The following ANKRD36C variants were observed in gnomAD, a reference collection of about 807,000 sequenced individuals.
ANKRD36C encodes the protein ankyrin repeat domain 36C.
Under a neutral mutation model 276.4 loss-of-function variants are expected in ANKRD36C, and 61 were observed. The observed-to-expected ratio is 0.22, with a 90% CI of 0.18 to 0.27. ANKRD36C has a LOEUF of 0.27. Ranked by LOEUF, ANKRD36C falls within the 10% of genes least tolerant of loss-of-function variation. The probability of loss-of-function intolerance (pLI) is 1.00; values close to 1 mark genes in which losing one functional copy is unlikely to be tolerated. For missense variants in ANKRD36C, 1,447 were observed against 2,032.3 expected (o/e 0.71, Z 5.54); for synonymous variants, 483 against 680.1 (o/e 0.71, Z 4.51).
chr2:95,869,687 C>A (rs113681751), intron 59 of ANKRD36C, among the ~76,000 whole-genome samples: 1 of 152,160 alleles, frequency 6.6e-6, no homozygotes, highest in Non-Finnish European at 1.5e-5. Flanking sequence ...GTGCACCGTG[C>A]GTGACCCAAA....
At position 95,969,779 on chromosome 2, in the gene ANKRD36C, A is replaced by T. The variant is rs548232428; in HGVS notation, c.800-7232T>A. 2.3e-3 allele frequency among the ~76,000 whole-genome samples: 356 copies of T among 152,314 alleles called. 1 individual carries two copies. The highest frequency in any genetic ancestry group is 7.9e-3 in the African/African-American group (330 of 41,582). On this transcript the variant is annotated intron_variant, in intron 6 of 66. Transcript: ENST00000456556. ...TCACATCAGTGCAGAAAGTAGGGTGACTATAGTACATGATATTTTGTGAGC... is the reference window on the plus strand; with the variant it reads ...TCACATCAGTGCAGAAAGTAGGGTGTCTATAGTACATGATATTTTGTGAGC...
At chr2:95,911,086 T>A (rs1313903161) in intron 42 of ANKRD36C, among the ~76,000 whole-genome samples, 1 of 151,506 alleles carries the variant, frequency 6.6e-6, no homozygotes, top group African/African-American at 2.4e-5. Context: ...GGAAGTGTCC[T>A]AAATTGATCA....
chr2:95,872,214 A>AT (rs1398870843), intron 59 of ANKRD36C, among the ~76,000 whole-genome samples: 1 of 142,418 alleles, frequency 7.0e-6, no homozygotes, highest in African/African-American at 2.6e-5. Context: ...CAGAATATAC[A>AT]TTTTTTTCAG....
At chr2:95,882,025 G>T (rs1676094932) in intron 56 of ANKRD36C, among the ~76,000 whole-genome samples, 2 of 131,316 alleles carry the variant, frequency 1.5e-5, no homozygotes, top group African/African-American at 2.9e-5. Context: ...GCAAAATTAT[G>T]CTGTCCCCGG....
intron 63 of ANKRD36C, among the ~76,000 whole-genome samples, chr2:95,855,056 T>G (rs899665360): frequency 1.3e-5 from 2 of 152,184 alleles, no homozygotes; most frequent in African/African-American, 4.8e-5. Flanking sequence ...ACTTAAAATT[T>G]TATAAGTGAC....
At chr2:95,891,641 C>T in intron 46 of ANKRD36C, 24 bp downstream of exon 66, 2 of 1,544,656 alleles carry the variant, frequency 1.3e-6, no homozygotes, top group Admixed American at 1.9e-5. Context: ...CTGAACATGA[C>T]ATTAAATCTC....
chr2:95,875,892 G>T lies in ANKRD36C; in HGVS notation c.3540+547C>A, dbSNP rs879734144. The T allele has an allele frequency of 2.9e-4, 88 of 303,478 alleles. 1 individual carries two copies. The highest frequency in any genetic ancestry group is 1.6e-3 in the Middle Eastern group (4 of 2,504). 18.8% of individuals were successfully genotyped at this position (303,478 alleles called of 1,614,324 possible). A position where few individuals can be genotyped will look rare whatever the true frequency, so the allele number is the denominator to read the frequency against. On this transcript the variant is annotated intron_variant, in intron 59 of 66. Transcript: ENST00000456556. ...TATTGTTTGTACACTAATACCAAAG[G>T]TGCCATTCTGCAAGGTATAATTCTC...
chr2:95,854,545 G>A (rs1256103470), intron 63 of ANKRD36C, among the ~76,000 whole-genome samples: 1 of 152,018 alleles, frequency 6.6e-6, no homozygotes, highest in East Asian at 1.9e-4. Context: ...GATAGTAATT[G>A]AGCCTTGAAA....
In ANKRD36C at chr2:95,902,944, C is replaced by G; in HGVS notation, c.2654-3608G>C. 3 of 1,590,290 alleles carry G rather than the reference C, an allele frequency of 1.9e-6. 1 individual carries two copies. The South Asian group carries it at 3.4e-5, about 18-fold the overall frequency. ...TGGCTATATTCAAAAGAGAATCTTT[C>G]TCGTCTCTTGTAGCCTGAATGGAAT... On this transcript the variant is annotated intron_variant, in intron 42 of 66. Coordinates refer to ENST00000456556, the Ensembl canonical transcript of ANKRD36C.
intron 5 of ANKRD36C, among the ~76,000 whole-genome samples, chr2:95,979,547 A>G (rs1678876097): frequency 1.3e-5 from 2 of 152,052 alleles, no homozygotes; most frequent in African/African-American, 2.4e-5. Context: ...ATTATTATAG[A>G]AAACAGATCA....
intron 6 of ANKRD36C, among the ~76,000 whole-genome samples, chr2:95,972,197 G>GA (rs35230832): frequency 1.3e-5 from 2 of 152,154 alleles, no homozygotes; most frequent in Non-Finnish European, 2.9e-5. Flanking sequence ...CATTTCCTGA[G>GA]AAAAGTAGCT....
intron 13 of ANKRD36C, among the ~76,000 whole-genome samples, chr2:95,954,509 T>A (rs540784525): frequency 6.6e-6 from 1 of 152,262 alleles, no homozygotes; most frequent in East Asian, 1.9e-4. Flanking sequence ...CTTCAGCATG[T>A]AAGCTACTTA....
rs1256330119 is a variant in ANKRD36C at position 95,891,787 on chromosome 2, G to C, written c.2784+45C>G. ...ATAAATTAATAAAGTATGTTTCATA[G>C]ACTATACATTTACTAGTTCACAATA... is the stretch of plus-strand genomic sequence containing the variant. On this transcript the variant is annotated intron_variant, in intron 45 of 66. Transcript: ENST00000456556. 3.8e-6 allele frequency: 6 copies of C among 1,559,598 alleles called. No homozygotes were observed. In the East Asian group the frequency reaches 1.2e-4, roughly 31 times the overall value.
chr2:95,897,289 A>G (rs1487924621), intron 44 of ANKRD36C: 3 of 1,520,290 alleles, frequency 2.0e-6, no homozygotes, highest in Admixed American at 2.0e-5. Context: ...TTTTTTCTCC[A>G]TGCTTTTTTC....
intron 22 of ANKRD36C, among the ~76,000 whole-genome samples, chr2:95,936,900 G>A (rs1282288538): frequency 8.0e-5 from 12 of 150,892 alleles, no homozygotes; most frequent in Non-Finnish European, 7.5e-5. Context: ...CACAACAGCA[G>A]CCCCATGTCC....
intron 38 of ANKRD36C, among the ~76,000 whole-genome samples, chr2:95,915,557 G>A (rs1040082334): frequency 2.0e-5 from 3 of 151,494 alleles, no homozygotes; most frequent in Non-Finnish European, 4.4e-5. Context: ...GCTACATCAG[G>A]GGTCTCCTCA....
intron 58 of ANKRD36C, among the ~76,000 whole-genome samples, chr2:95,878,716 T>C (rs55684901): frequency 0.98 from 149,921 of 152,306 alleles, 73,798 homozygotes; most frequent in East Asian, 1. Flanking sequence ...AGGTGCTCGA[T>C]GTCACTGATC....
At chr2:95,902,163 G>A (rs1041534924) in intron 42 of ANKRD36C, among the ~76,000 whole-genome samples, 1 of 149,832 alleles carries the variant, frequency 6.7e-6, no homozygotes, top group African/African-American at 2.5e-5. Context: ...TCATATTCAA[G>A]ATTATCTCAT....
intron 14 of ANKRD36C, among the ~76,000 whole-genome samples, chr2:95,952,719 C>G (rs1405726320): frequency 6.7e-6 from 1 of 149,908 alleles, no homozygotes; most frequent in East Asian, 1.9e-4. Flanking sequence ...AAGATAAATT[C>G]AAAACATTCA....
Sources: allele counts gnomAD v4.1 joint callset (sites outside exome capture counted in the v4.1 genomes callset), GRCh38; gene constraint gnomAD v4.1.1; transcripts MANE v1.5; gene names NCBI Gene and HGNC (gene_info 2026-07-23, HGNC 2026-07-21).